The following LDB2 variants were observed in gnomAD, a reference collection of about 807,000 sequenced individuals.
LDB2 encodes the protein LIM domain-binding protein 2.
LDB2 carries 12 observed loss-of-function variants against 44.3 expected under a neutral mutation model. The observed-to-expected ratio is 0.27, with a 90% CI of 0.17 to 0.44. LDB2 has a LOEUF of 0.44. Ranked by LOEUF, LDB2 falls within the 20% of genes least tolerant of loss-of-function variation. The pLI, the probability that LDB2 is intolerant of heterozygous loss-of-function variation, is 1.00. For missense variants in LDB2, 344 were observed against 473.5 expected (o/e 0.73, Z 2.54); for synonymous variants, 164 against 174.8 (o/e 0.94, Z 0.49).
chr4:16,719,492 A>G (rs577783039), intron 2 of LDB2, among the ~76,000 whole-genome samples: 13 of 152,196 alleles, frequency 8.5e-5, no homozygotes, highest in African/African-American at 3.1e-4. Flanking sequence ...TCACTTGAAA[A>G]TATTCGTCAT....
At chr4:16,629,048 G>A (rs1196700626) in intron 2 of LDB2, among the ~76,000 whole-genome samples, 1 of 152,180 alleles carries the variant, frequency 6.6e-6, no homozygotes, top group Admixed American at 6.5e-5. Context: ...AGCTTGGTTG[G>A]GGGAGGGGCA....
intron 1 of LDB2, among the ~76,000 whole-genome samples, chr4:16,809,744 A>ACAAC (rs1554031285): frequency 6.8e-6 from 1 of 147,408 alleles, no homozygotes; most frequent in Non-Finnish European, 1.5e-5. Context: ...AAACAAACAA[A>ACAAC]AAAAAAACGG....
intron 1 of LDB2, among the ~76,000 whole-genome samples, chr4:16,839,998 T>TA (rs1290988696): frequency 6.6e-6 from 1 of 152,194 alleles, no homozygotes; most frequent in Non-Finnish European, 1.5e-5. Context: ...GAAAACAGCC[T>TA]AAAGGTCTTC....
intron 1 of LDB2, among the ~76,000 whole-genome samples, chr4:16,839,522 T>G (rs1785481065): frequency 6.6e-6 from 1 of 152,204 alleles, no homozygotes; most frequent in African/African-American, 2.4e-5. Context: ...ATTTGGAGGA[T>G]ACAAACCCAG....
intron 5 of LDB2, among the ~76,000 whole-genome samples, chr4:16,531,717 A>G (rs1468745691): frequency 1.3e-5 from 2 of 152,220 alleles, no homozygotes; most frequent in African/African-American, 2.4e-5. Context: ...TCACTGTGTC[A>G]TTCATGCTTG....
rs149784239 is a variant in LDB2, at chr4:16,545,254, G to A, written c.616-33150C>T. Among the ~76,000 whole-genome samples the A allele has an allele frequency of 6.9e-5, 10 of 145,898 alleles. No individual in the cohort carries two copies. The East Asian group carries it at 1.4e-3, about 21-fold the overall frequency. Reference sequence around the variant, plus strand: ...CCTTCCTTCTGTCTTTCAGTTTCCCGTTAGTCTGAGATCCTGCAGGATAGA... The same window carrying A: ...CCTTCCTTCTGTCTTTCAGTTTCCCATTAGTCTGAGATCCTGCAGGATAGA... On this transcript the variant is annotated intron_variant, in intron 5 of 7. Transcript: ENST00000304523.
chr4:16,605,039 TC>T (rs1408228149), intron 2 of LDB2, among the ~76,000 whole-genome samples: 1 of 152,170 alleles, frequency 6.6e-6, no homozygotes, highest in Middle Eastern at 3.2e-3. Context: ...CATCTCCTAA[TC>T]CCAATGGATT....
At chr4:16,595,403 A>T (rs1023844456) in intron 3 of LDB2, among the ~76,000 whole-genome samples, 12 of 152,152 alleles carry the variant, frequency 7.9e-5, no homozygotes, top group African/African-American at 2.7e-4. Context: ...GATCTTTTGT[A>T]TAAAACAACA....
chr4:16,631,797 G>A (rs191508552), intron 2 of LDB2, among the ~76,000 whole-genome samples: 2,194 of 152,184 alleles, frequency 0.014, 32 homozygotes, highest in South Asian at 0.047. Context: ...ATCAGAGAAT[G>A]CTACAAACAC....
chr4:16,565,353 A>G (rs1744110361), intron 5 of LDB2, among the ~76,000 whole-genome samples: 1 of 152,220 alleles, frequency 6.6e-6, no homozygotes, highest in South Asian at 2.1e-4. Flanking sequence ...TATTCTTATT[A>G]ATATATTTAC....
At chr4:16,573,432 A>G (rs1185294494) in intron 5 of LDB2, among the ~76,000 whole-genome samples, 1 of 152,166 alleles carries the variant, frequency 6.6e-6, no homozygotes, top group Non-Finnish European at 1.5e-5. Flanking sequence ...GAGATGAGTC[A>G]TGCACTCCCA....
intron 2 of LDB2, among the ~76,000 whole-genome samples, chr4:16,758,952 C>T (rs74580123): frequency 0.029 from 4,427 of 152,082 alleles, 199 homozygotes; most frequent in African/African-American, 0.098. Flanking sequence ...AGGCAAATAC[C>T]CAAACATTCT....
intron 1 of LDB2, among the ~76,000 whole-genome samples, chr4:16,829,187 G>A (rs1355598185): frequency 2.0e-5 from 3 of 152,156 alleles, no homozygotes; most frequent in Admixed American, 6.5e-5. Context: ...TGTCACAGGG[G>A]TGATTCCAGT....
chr4:16,871,743 C>T (rs1716672919), intron 1 of LDB2, among the ~76,000 whole-genome samples: 1 of 151,916 alleles, frequency 6.6e-6, no homozygotes, highest in Non-Finnish European at 1.5e-5. Context: ...GCCTCAGCCT[C>T]CCAAGTACCT....
chr4:16,634,997 T>C (rs1012808530), intron 2 of LDB2, among the ~76,000 whole-genome samples: 14 of 152,158 alleles, frequency 9.2e-5, no homozygotes, highest in African/African-American at 2.7e-4. Flanking sequence ...TGCAGGGACA[T>C]GGATGAAGCT....
intron 1 of LDB2, among the ~76,000 whole-genome samples, chr4:16,817,820 C>T (rs1166846939): frequency 6.6e-6 from 1 of 152,066 alleles, no homozygotes; most frequent in African/African-American, 2.4e-5. Flanking sequence ...GTGAGTCTTG[C>T]TCCAGAATTT....
intron 5 of LDB2, among the ~76,000 whole-genome samples, chr4:16,513,346 G>T (rs1452786500): frequency 6.6e-6 from 1 of 152,120 alleles, no homozygotes; most frequent in East Asian, 1.9e-4. Flanking sequence ...TGAGCTGCGT[G>T]CCTCTCTTCA....
chr4:16,790,060 C>A (rs1237897959), intron 1 of LDB2, among the ~76,000 whole-genome samples: 1 of 152,168 alleles, frequency 6.6e-6, no homozygotes, highest in Non-Finnish European at 1.5e-5. Context: ...ACTTTTAATG[C>A]CATGTTGTCC....
At chr4:16,673,034 T>C (rs112332757) in intron 2 of LDB2, among the ~76,000 whole-genome samples, 2 of 151,934 alleles carry the variant, frequency 1.3e-5, no homozygotes, top group Middle Eastern at 6.8e-3. Context: ...CTCTCTTTCT[T>C]CCCCCCTTAC....
Sources: gnomAD v4.1 joint callset for allele counts (sites outside exome capture counted in the v4.1 genomes callset) on GRCh38, gnomAD v4.1.1 for gene constraint, MANE v1.5 for transcripts, NCBI Gene and HGNC (gene_info 2026-07-23, HGNC 2026-07-21) for gene names.